The following SCTR variants were observed in gnomAD, a reference collection of about 807,000 sequenced individuals.
The protein encoded by SCTR is pancreatic secretin receptor.
In SCTR, 56 loss-of-function variants were observed where a neutral mutation model predicts 60.8. The ratio of observed to expected loss-of-function variants is 0.92; its 90% CI spans 0.74 to 1.15. SCTR has a LOEUF of 1.15. SCTR is among the 50% of genes most tolerant of loss of function. SCTR has a pLI of 0.00. For synonymous variants in SCTR, 202 were observed against 217.0 expected, an observed-to-expected ratio of 0.93 and a Z score of 0.61; for missense variants, 562 against 550.4, an observed-to-expected ratio of 1.02 and a Z score of -0.21.
chr2:119,502,146 C>A (rs1678575259), intron 1 of SCTR, among the ~76,000 whole-genome samples: 1 of 152,020 alleles, frequency 6.6e-6, no homozygotes, highest in South Asian at 2.1e-4. Context: ...GTCCCAGATA[C>A]TTGGAAGGCT....
intron 1 of SCTR, among the ~76,000 whole-genome samples, chr2:119,521,697 T>C (rs945344711): frequency 6.6e-6 from 1 of 152,094 alleles, no homozygotes; most frequent in Non-Finnish European, 1.5e-5. Flanking sequence ...CCCCCCTCCA[T>C]TGGGAAGATG....
At chr2:119,519,544 C>T (rs965788696) in intron 1 of SCTR, among the ~76,000 whole-genome samples, 25 of 151,996 alleles carry the variant, frequency 1.6e-4, no homozygotes, top group Non-Finnish European at 1.5e-4. Context: ...CGGTGGCTCA[C>T]GCCTGTAATC....
At chr2:119,488,932 G>A (rs1171448742) in intron 2 of SCTR, among the ~76,000 whole-genome samples, 2 of 152,218 alleles carry the variant, frequency 1.3e-5, no homozygotes, top group Non-Finnish European at 2.9e-5. Flanking sequence ...TTTGCTTTCT[G>A]CCTGGCATTC....
intron 1 of SCTR, among the ~76,000 whole-genome samples, chr2:119,522,282 G>T (rs1043609581): frequency 1.3e-5 from 2 of 151,468 alleles, no homozygotes; most frequent in African/African-American, 4.9e-5. Flanking sequence ...GGCAACAAGA[G>T]TGAAACTCTG....
intron 1 of SCTR, among the ~76,000 whole-genome samples, chr2:119,520,271 C>T (rs1679249267): frequency 6.6e-6 from 1 of 152,136 alleles, no homozygotes; most frequent in Non-Finnish European, 1.5e-5. Flanking sequence ...GAGTCTAAGG[C>T]AGGAGGATCA....
rs139410940 is a variant in SCTR at position 119,445,382 on chromosome 2, C to G, written c.1140+1377G>C. ...CCTGGATTAAGCCAGAGGCTGAGTT[C>G]TCTGGAGGTCTGGGGCACTGACGGG... On this transcript the variant is annotated intron_variant, in intron 11 of 12. Coordinates refer to ENST00000019103, the MANE Select transcript of SCTR (RefSeq NM_002980.3). Among the ~76,000 whole-genome samples, 211 of 152,332 alleles carry G rather than the reference C, an allele frequency of 1.4e-3. 1 individual carries two copies. Among genetic ancestry groups the G allele is most frequent in the Middle Eastern group, 3.4e-3 (1 of 294 alleles).
intron 1 of SCTR, among the ~76,000 whole-genome samples, chr2:119,516,025 A>T (rs1679103238): frequency 6.6e-6 from 1 of 152,234 alleles, no homozygotes; most frequent in African/African-American, 2.4e-5. Context: ...GCAATGAGCC[A>T]TCATCTCACA....
chr2:119,492,507 C>G (rs530785263), intron 2 of SCTR, among the ~76,000 whole-genome samples: 1 of 152,222 alleles, frequency 6.6e-6, no homozygotes, highest in African/African-American at 2.4e-5. Context: ...AGCCTGGGTT[C>G]TGTTTATTTT....
intron 7 of SCTR, among the ~76,000 whole-genome samples, chr2:119,459,176 T>C (rs929360496): frequency 1.3e-5 from 2 of 152,204 alleles, no homozygotes; most frequent in Admixed American, 6.5e-5. Flanking sequence ...GTCCAAACAA[T>C]AGGTATGTGG....
At chr2:119,458,178 T>C (rs1159858517) in intron 7 of SCTR, among the ~76,000 whole-genome samples, 1 of 151,886 alleles carries the variant, frequency 6.6e-6, no homozygotes, top group East Asian at 1.9e-4. Context: ...CAGTGGTGCA[T>C]GCCTGTAGTC....
At chr2:119,460,804 G>A (rs113733227) in intron 7 of SCTR, among the ~76,000 whole-genome samples, 55 of 152,252 alleles carry the variant, frequency 3.6e-4, no homozygotes, top group African/African-American at 1.3e-3. Flanking sequence ...AATGAATCCC[G>A]AATTTCCTTT....
intron 2 of SCTR, among the ~76,000 whole-genome samples, chr2:119,483,544 G>A (rs1677729429): frequency 6.6e-6 from 1 of 152,142 alleles, no homozygotes; most frequent in African/African-American, 2.4e-5. Context: ...GGGCACAGAA[G>A]GCACAGAACA....
At chr2:119,456,182 T>G (rs1414278956) in intron 7 of SCTR, among the ~76,000 whole-genome samples, 1 of 150,352 alleles carries the variant, frequency 6.7e-6, no homozygotes, top group Non-Finnish European at 1.5e-5. Flanking sequence ...TGTCTCAGCC[T>G]CTTGAATAGC....
intron 9 of SCTR, among the ~76,000 whole-genome samples, chr2:119,450,141 G>C (rs561070424): frequency 1.3e-4 from 18 of 143,422 alleles, no homozygotes; most frequent in Non-Finnish European, 1.5e-4. Flanking sequence ...AGGAAGGAAG[G>C]AAGCAAGGAA....
chr2:119,522,049 C>G (rs1241320147), intron 1 of SCTR, among the ~76,000 whole-genome samples: 1 of 152,204 alleles, frequency 6.6e-6, no homozygotes, highest in Non-Finnish European at 1.5e-5. Context: ...AATCGCAGCA[C>G]TTTGGGAGGC....
chr2:119,468,725 C>T (rs1476473968), intron 4 of SCTR, among the ~76,000 whole-genome samples: 3 of 152,124 alleles, frequency 2.0e-5, no homozygotes, highest in South Asian at 2.1e-4. Flanking sequence ...CAGCTGGCCA[C>T]GTGGGAATGT....
At chr2:119,500,355 G>C (rs1394708720) in intron 1 of SCTR, among the ~76,000 whole-genome samples, 3 of 152,196 alleles carry the variant, frequency 2.0e-5, no homozygotes, top group South Asian at 2.1e-4. Context: ...ATATGATCCA[G>C]GAATTTCACT....
At chr2:119,503,279 G>A (rs1482572252) in intron 1 of SCTR, among the ~76,000 whole-genome samples, 1 of 151,942 alleles carries the variant, frequency 6.6e-6, no homozygotes, top group Non-Finnish European at 1.5e-5. Flanking sequence ...ATCTAAAAAG[G>A]TTACCAGCTG....
chr2:119,520,474 G>A (rs535678944), intron 1 of SCTR, among the ~76,000 whole-genome samples: 22 of 152,278 alleles, frequency 1.4e-4, no homozygotes, highest in African/African-American at 5.1e-4. Flanking sequence ...ACTCCAGCCC[G>A]GGCAACAGGG....
Sources: gnomAD v4.1 joint callset for allele counts (sites outside exome capture counted in the v4.1 genomes callset) on GRCh38, gnomAD v4.1.1 for gene constraint, MANE v1.5 for transcripts, NCBI Gene and HGNC (gene_info 2026-07-23, HGNC 2026-07-21) for gene names.